KLHL32: variants seen among roughly 807,000 people sequenced by gnomAD.
The protein encoded by KLHL32 is kelch-like protein 32.
Under a neutral mutation model 64.8 loss-of-function variants are expected in KLHL32, and 35 were observed. The observed-to-expected ratio is 0.54, with a 90% confidence interval of 0.41 to 0.72. The LOEUF (loss-of-function observed/expected upper bound fraction) is 0.72. Among genes scored for constraint, KLHL32 ranks in the 30% least tolerant of loss-of-function variants. The pLI, the probability that KLHL32 is intolerant of heterozygous loss-of-function variation, is 0.00. For synonymous variants in KLHL32, 259 were observed against 281.0 expected (o/e 0.92, Z 0.78); for missense variants, 589 against 768.5 (o/e 0.77, Z 2.76).
At chr6:97,087,678 G>A (rs960895275) in intron 6 of KLHL32, among the ~76,000 whole-genome samples, 1 of 152,170 alleles carries the variant, frequency 6.6e-6, no homozygotes, top group Non-Finnish European at 1.5e-5. Flanking sequence ...TAACTTAGAT[G>A]AGAGCATGGT....
At chr6:96,903,892 A>G in the KLHL32 span, among the ~76,000 whole-genome samples, 4 of 152,336 alleles carry the variant, frequency 2.6e-5, no homozygotes, top group Admixed American at 2.0e-4. Flanking sequence ...AAAAGGAAAT[A>G]AGAATTATAA....
At chr6:96,985,525 T>C (rs1253319029) in intron 3 of KLHL32, among the ~76,000 whole-genome samples, 2 of 152,244 alleles carry the variant, frequency 1.3e-5, no homozygotes, top group Non-Finnish European at 1.5e-5. Context: ...GACGTAGATT[T>C]GGTCTTTTCA....
At chr6:97,030,964 A>G (rs549662013) in intron 3 of KLHL32, among the ~76,000 whole-genome samples, 293 of 152,316 alleles carry the variant, frequency 1.9e-3, no homozygotes, top group Non-Finnish European at 3.6e-3. Flanking sequence ...TGGGAGCACC[A>G]CAGTGAGAAA....
chr6:96,918,175 C>G, the KLHL32 span, among the ~76,000 whole-genome samples: 2 of 152,198 alleles, frequency 1.3e-5, no homozygotes, highest in African/African-American at 2.4e-5. Context: ...CATGTAGTCT[C>G]ACTCGCAATA....
chr6:96,995,168 AG>A (rs1355222748), intron 3 of KLHL32, among the ~76,000 whole-genome samples: 1 of 152,226 alleles, frequency 6.6e-6, no homozygotes, highest in African/African-American at 2.4e-5. Flanking sequence ...CTCCAAGCAT[AG>A]TACCTGACAC....
chr6:97,060,132 G>A (rs1788635527), intron 4 of KLHL32, among the ~76,000 whole-genome samples: 1 of 151,954 alleles, frequency 6.6e-6, no homozygotes, highest in Non-Finnish European at 1.5e-5. Flanking sequence ...CCAAGAAGCA[G>A]GTAATTAAAA....
intron 1 of KLHL32, among the ~76,000 whole-genome samples, chr6:96,938,082 C>A (rs1426476824): frequency 6.6e-6 from 1 of 152,090 alleles, no homozygotes; most frequent in Non-Finnish European, 1.5e-5. Flanking sequence ...TAATTTAAAA[C>A]AAACAAACAG....
chr6:96,900,090 G>A, the KLHL32 span, among the ~76,000 whole-genome samples: 1 of 152,180 alleles, frequency 6.6e-6, no homozygotes, highest in Non-Finnish European at 1.5e-5. Context: ...TCCCTGAGCT[G>A]GAGTCCAGAC....
chr6:96,959,916 T>C (rs1316008677), intron 1 of KLHL32, among the ~76,000 whole-genome samples: 1 of 152,198 alleles, frequency 6.6e-6, no homozygotes, highest in Non-Finnish European at 1.5e-5. Flanking sequence ...TGGTCTTTGG[T>C]CTCTTTAGCA....
the KLHL32 span, among the ~76,000 whole-genome samples, chr6:96,905,885 G>A: frequency 5.3e-5 from 8 of 152,276 alleles, no homozygotes; most frequent in South Asian, 1.7e-3. Flanking sequence ...AGCTGCCTGA[G>A]GCTGTTTTTA....
chr6:97,080,742 G>A (rs758686059), intron 5 of KLHL32, among the ~76,000 whole-genome samples: 5 of 152,188 alleles, frequency 3.3e-5, no homozygotes, highest in Non-Finnish European at 7.3e-5. Flanking sequence ...CTCCCATGGA[G>A]CTTACTGGGG....
intron 6 of KLHL32, among the ~76,000 whole-genome samples, chr6:97,113,390 CT>C (rs1283888154): frequency 6.6e-6 from 1 of 152,162 alleles, no homozygotes; most frequent in African/African-American, 2.4e-5. Flanking sequence ...ATTACCTGAG[CT>C]TTGATGACAC....
chr6:97,107,378 G>C (rs534109386), intron 6 of KLHL32, among the ~76,000 whole-genome samples: 12 of 152,062 alleles, frequency 7.9e-5, no homozygotes, highest in Non-Finnish European at 1.8e-4. Context: ...ATAATGGCAA[G>C]TAGATATAAT....
At chr6:97,112,767 A>ATTT (rs1797323932) in intron 6 of KLHL32, among the ~76,000 whole-genome samples, 1 of 146,460 alleles carries the variant, frequency 6.8e-6, no homozygotes, top group African/African-American at 2.6e-5. Context: ...TTTAATTTTA[A>ATTT]AAAAAAAAAG....
intron 3 of KLHL32, among the ~76,000 whole-genome samples, chr6:97,038,025 ATGTATTAAAGAC>A (rs1784552299): frequency 6.6e-6 from 1 of 152,200 alleles, no homozygotes; most frequent in Non-Finnish European, 1.5e-5. Flanking sequence ...TCAGATCCAA[ATGTATTAAAGAC>A]TTAAATCTAA....
chr6:97,052,333 G>A (rs1244120575), intron 4 of KLHL32, among the ~76,000 whole-genome samples: 2 of 152,120 alleles, frequency 1.3e-5, no homozygotes, highest in South Asian at 4.2e-4. Context: ...GGTGGCATGT[G>A]ACATGATTTT....
At chr6:96,923,064 T>G (rs1470157154), upstream of KLHL32, among the ~76,000 whole-genome samples, 1 of 152,236 alleles carries the variant, frequency 6.6e-6, no homozygotes, top group East Asian at 1.9e-4. Context: ...GCTTGGGCAG[T>G]AAGAGACTCT....
intron 6 of KLHL32, among the ~76,000 whole-genome samples, chr6:97,109,388 C>T (rs1023510428): frequency 6.6e-6 from 1 of 152,090 alleles, no homozygotes; most frequent in East Asian, 1.9e-4. Flanking sequence ...AAAATGCAAA[C>T]TAATAGTTAT....
chr6:97,025,673 T>G (rs1430646835), intron 3 of KLHL32, among the ~76,000 whole-genome samples: 2 of 152,152 alleles, frequency 1.3e-5, no homozygotes, highest in Non-Finnish European at 2.9e-5. Context: ...TCTTTCCAAC[T>G]TGAGAGGGAG....
Sources: allele counts gnomAD v4.1 joint callset (sites outside exome capture counted in the v4.1 genomes callset), GRCh38; gene constraint gnomAD v4.1.1; transcripts MANE v1.5; gene names NCBI Gene and HGNC (gene_info 2026-07-23, HGNC 2026-07-21).